The following LRP2BP variants were observed in gnomAD, a reference collection of about 807,000 sequenced individuals.
LRP2BP encodes the protein LRP2-binding protein.
In LRP2BP, 38 loss-of-function variants were observed where a neutral mutation model predicts 45.2. The observed-to-expected ratio is 0.84, with a 90% CI of 0.65 to 1.10. The LOEUF (loss-of-function observed/expected upper bound fraction) is 1.10, where lower values mean the gene tolerates loss of function less well. Ranked by LOEUF, LRP2BP falls within the 50% of genes least tolerant of loss-of-function variation. The probability of loss-of-function intolerance (pLI) is 0.00; values close to 1 mark genes in which losing one functional copy is unlikely to be tolerated. For synonymous variants in LRP2BP, 153 were observed against 153.9 expected (o/e 0.99, Z 0.04); for missense variants, 385 against 418.9 (o/e 0.92, Z 0.71).
intron 8 of LRP2BP, 29 bp downstream of exon 8, chr4:185,370,611 G>C: frequency 6.2e-7 from 1 of 1,603,890 alleles, no homozygotes; most frequent in Non-Finnish European, 8.5e-7. Context: ...TTCTCTTTGG[G>C]TGAATTTATA....
chr4:185,367,531 A>G (rs2095393470), intron 8 of LRP2BP, among the ~76,000 whole-genome samples: 1 of 152,200 alleles, frequency 6.6e-6, no homozygotes, highest in Non-Finnish European at 1.5e-5. Context: ...TGAATTATTA[A>G]AATAAGTAAA....
chr4:185,371,335 T>G (rs143171117), intron 7 of LRP2BP, among the ~76,000 whole-genome samples: 13 of 151,988 alleles, frequency 8.6e-5, no homozygotes, highest in East Asian at 7.8e-4. Flanking sequence ...GTTAGGAGAT[T>G]GAGACCATCC....
At chr4:185,377,813 C>T (rs939155982) in intron 2 of LRP2BP, 36 of 323,452 alleles carry the variant, frequency 1.1e-4, no homozygotes, top group African/African-American at 6.3e-4. Flanking sequence ...CTTTAACAAA[C>T]GTGACATCTG....
At chr4:185,388,373 T>C (rs1414535335) in intron 1 of LRP2BP, among the ~76,000 whole-genome samples, 1 of 136,626 alleles carries the variant, frequency 7.3e-6, no homozygotes, top group Non-Finnish European at 1.6e-5. Flanking sequence ...CGGGGTCTTA[T>C]TTCTGCCTAC....
intron 1 of LRP2BP, among the ~76,000 whole-genome samples, chr4:185,382,714 T>C (rs2095459100): frequency 6.6e-6 from 1 of 152,274 alleles, no homozygotes; most frequent in Non-Finnish European, 1.5e-5. Flanking sequence ...TAGTTCTTTA[T>C]ATATCCTACA....
chr4:185,375,487 A>AAAAATATATATATATAT (rs1554018308), intron 4 of LRP2BP, 126 bp downstream of exon 4: 1 of 12,016 alleles, frequency 8.3e-5, no homozygotes, highest in Non-Finnish European at 1.5e-4. Flanking sequence ...AAAAAAAAAA[A>AAAAATATATATATATAT]ATATATATAT....
At position 185,388,565 on chromosome 4, in the gene LRP2BP, G is replaced by A. The variant is rs1038505742; in HGVS notation, c.-22+6214C>T. Among the ~76,000 whole-genome samples the A allele has an allele frequency of 1.4e-4, 20 of 141,088 alleles. 1 individual carries two copies. The highest frequency in any genetic ancestry group is 5.1e-4 in the African/African-American group (19 of 37,374). The allele number at this position is 141,088 out of a possible 152,430, so 92.6% of individuals were successfully genotyped here. On this transcript the variant is annotated intron_variant, in intron 1 of 8. Coordinates refer to ENST00000505916, the MANE Select transcript of LRP2BP (RefSeq NM_001377440.1). ...AGGACTTCTAGTAAACACAGGTTCG[G>A]TAAGAATAAACCTTAAGCTTTTTCT...
chr4:185,369,783 G>A, intron 8 of LRP2BP: 1 of 442,622 alleles, frequency 2.3e-6, no homozygotes, highest in Non-Finnish European at 4.5e-6. Flanking sequence ...GTCTCCTAGA[G>A]ACCATGATTG....
rs1338841191 is a variant in LRP2BP at position 185,395,544 on chromosome 4, T to C, written c.-787A>G. 1.0e-5 allele frequency: 10 copies of C among 983,588 alleles called. No homozygotes were observed. The highest frequency in any genetic ancestry group is 1.1e-4 in the East Asian group (1 of 8,822). 60.9% of individuals were successfully genotyped at this position (983,588 alleles called of 1,614,324 possible). ...CCGTTCTTTAAACATCATTAAAAGA[T>C]ATTGTGAATAGTTTAAATATTAAAA... On this transcript the variant is annotated 5_prime_UTR_variant, in exon 1 of 9. The change creates a new upstream start codon in the 5' untranslated region. Coordinates refer to ENST00000505916, the MANE Select transcript of LRP2BP (RefSeq NM_001377440.1).
chr4:185,378,666 CTGT>C (rs1027864196), intron 1 of LRP2BP: 4 of 987,112 alleles, frequency 4.1e-6, no homozygotes, highest in Non-Finnish European at 4.8e-6. Context: ...TTTATTTTAG[CTGT>C]TGTTGAGTTT....
At position 185,375,657 on chromosome 4, in the gene LRP2BP, G is replaced by T; in HGVS notation, c.286C>A (p.Leu96Ile). The change falls in exon 4 of 9, where the codon CTA (leucine) becomes ATA (isoleucine). Residue 96 changes from leucine (L) to isoleucine (I), a missense_variant. By Grantham distance (5) the Leu-to-Ile change is conservative. Transcript: ENST00000505916. ...KEKDHQATYQ[L>I]GVMYYDGLGT... ...AGCCCATCATAGTACATCACTCCTA[G>T]CTGGTAAGTTGCTTGATGGTCTTTC... 1 of 1,611,934 alleles carries T rather than the reference G, an allele frequency of 6.2e-7. No individual in the cohort carries two copies. Among genetic ancestry groups the T allele is most frequent in the East Asian group, 2.2e-5 (1 of 44,756 alleles).
At chr4:185,376,693 A>G (rs2095439173) in intron 3 of LRP2BP, among the ~76,000 whole-genome samples, 2 of 152,168 alleles carry the variant, frequency 1.3e-5, no homozygotes, top group Admixed American at 1.3e-4. Flanking sequence ...AACGACTCCC[A>G]TAAATGGCTT....
In LRP2BP at chr4:185,378,212, A is replaced by G. The variant is rs1380122913; in HGVS notation, c.-21-5T>C. 8.1e-6 allele frequency: 13 copies of G among 1,605,468 alleles called. No homozygotes were observed. The South Asian group carries it at 1.0e-4, about 12-fold the overall frequency. ...CCTTTTTCTGCAATGTGTATTCTAT[A>G]AGCAAGAAGAAAAAATAAGTGGTAG... On this transcript the variant is annotated splice_region_variant and splice_polypyrimidine_tract_variant and intron_variant, in intron 1 of 8. Transcript: ENST00000505916.
chr4:185,391,615 G>A (rs561440267), intron 1 of LRP2BP, among the ~76,000 whole-genome samples: 16 of 152,272 alleles, frequency 1.1e-4, no homozygotes, highest in Admixed American at 5.2e-4. Flanking sequence ...GCCATTGGGA[G>A]CTCTTTCAGG....
At chr4:185,378,464 G>T in intron 1 of LRP2BP, 5 of 1,225,558 alleles carry the variant, frequency 4.1e-6, no homozygotes, top group Non-Finnish European at 4.1e-6. Flanking sequence ...TGCACGTCCT[G>T]TCTGGCTATG....
upstream of LRP2BP, chr4:185,396,883 C>T (rs1042344422): frequency 3.1e-6 from 5 of 1,610,706 alleles, no homozygotes; most frequent in East Asian, 2.2e-5. Flanking sequence ...TCTCACCTCT[C>T]TGCACTTCCA....
rs903689654 is a variant in LRP2BP at position 185,378,364 on chromosome 4, T to C, written c.-21-157A>G. The stretch of plus-strand genomic sequence containing the variant: ...CCAACTCCAGGACGTGAACATTCTT[T>C]ACTAGGACACCAAGACCCTCCTCCC... On this transcript the variant is annotated intron_variant, in intron 1 of 8. Transcript: ENST00000505916. 1.3e-5 allele frequency: 18 copies of C among 1,423,552 alleles called. No homozygotes were observed. The Admixed American group carries it at 5.0e-4, about 40-fold the overall frequency. The allele number at this position is 1,423,552 out of a possible 1,614,324, so 88.2% of individuals were successfully genotyped here.
intron 4 of LRP2BP, among the ~76,000 whole-genome samples, 158 bp downstream of exon 4, chr4:185,375,455 C>CAAAAAAAAAAAAAAAAAAAAA (rs1193760497): frequency 6.8e-5 from 1 of 14,770 alleles, no homozygotes; most frequent in Non-Finnish European, 1.2e-4. Context: ...GACTCCGTCT[C>CAAAAAAAAAAAAAAAAAAAAA]AAAAAAAAAA....
At chr4:185,378,232 T>G (rs199656111) in intron 1 of LRP2BP, 25 bp from the exon 2 acceptor site, 59 of 1,603,360 alleles carry the variant, frequency 3.7e-5, no homozygotes, top group Non-Finnish European at 4.8e-5. Context: ...AAAAAATAAG[T>G]GGTAGAAATT....
Sources: allele counts gnomAD v4.1 joint callset (sites outside exome capture counted in the v4.1 genomes callset), GRCh38; gene constraint gnomAD v4.1.1; transcripts MANE v1.5; gene names NCBI Gene and HGNC (gene_info 2026-07-23, HGNC 2026-07-21).